SEC16A: variants seen among roughly 807,000 people sequenced by gnomAD.
SEC16A encodes the protein protein transport protein Sec16A.
SEC16A carries 110 observed loss-of-function variants against 221.9 expected under a neutral mutation model. The observed-to-expected ratio is 0.50, with a 90% CI of 0.42 to 0.58. The LOEUF (loss-of-function observed/expected upper bound fraction) is 0.58. Ranked by LOEUF, SEC16A falls within the 20% of genes least tolerant of loss-of-function variation. The probability of loss-of-function intolerance (pLI) is 0.00; values close to 1 mark genes in which losing one functional copy is unlikely to be tolerated. For missense variants in SEC16A, 3,165 were observed against 3,097.8 expected (o/e 1.02, Z -0.52); for synonymous variants, 1,393 against 1,257.7 (o/e 1.11, Z -2.28).
intron 8 of SEC16A, among the ~76,000 whole-genome samples, chr9:136,465,471 A>C (rs1337562014): frequency 6.6e-6 from 1 of 152,186 alleles, no homozygotes; most frequent in Non-Finnish European, 1.5e-5. Flanking sequence ...AAAAACAAAC[A>C]AACAAAAAAA....
chr9:136,455,573 A>G (rs1271037318), intron 20 of SEC16A, 28 bp downstream of exon 20: 5 of 1,522,114 alleles, frequency 3.3e-6, no homozygotes, highest in Non-Finnish European at 4.4e-6. Flanking sequence ...GGCTTGTCTG[A>G]GGGCAGCAGC....
chr9:136,460,234 G>T, intron 13 of SEC16A, 111 bp from the exon 14 acceptor site: 1 of 775,724 alleles, frequency 1.3e-6, no homozygotes. Flanking sequence ...AGGCCAAAGT[G>T]GGCGGATCAC....
At chr9:136,483,524 C>T (rs1431896001), upstream of SEC16A, 1 of 985,216 alleles carries the variant, frequency 1.0e-6, no homozygotes, top group Non-Finnish European at 1.2e-6. Flanking sequence ...TGGCCCCGCC[C>T]CTCGCCACCT....
chr9:136,446,758 T>C (rs1837049251), intron 28 of SEC16A, 97 bp downstream of exon 28: 6 of 1,249,652 alleles, frequency 4.8e-6, no homozygotes, highest in South Asian at 1.4e-5. Context: ...TACGTACACA[T>C]TGGATACTGA....
At position 136,476,406 on chromosome 9, in the gene SEC16A, A is replaced by C; in HGVS notation, c.1210T>G (p.Cys404Gly). The change falls in exon 3 of 32, where the codon TGC becomes GGC. Residue 404 changes from cysteine to glycine, a missense_variant. Physicochemically the swap from Cys to Gly is radical, Grantham distance 159. Around this residue, in one of 3 missense-constraint regions of SEC16A, gnomAD observed 2,030 missense variants for 1,923.1 expected, o/e 1.06. Coordinates refer to ENST00000684901, the MANE Select transcript of SEC16A (RefSeq NM_014866.2). ...GGACGGCCTAGCCCAGGGCTGGAGCAGAAATCGTCAAAGTCCGCTTGACCA... is the reference window on the plus strand; with the variant it reads ...GGACGGCCTAGCCCAGGGCTGGAGCCGAAATCGTCAAAGTCCGCTTGACCA... ...LSGQADFDDF[C>G]SSPGLGRPPA... 6.2e-7 allele frequency: 1 copy of C among 1,612,964 alleles called. No homozygotes were observed. Among genetic ancestry groups the C allele is most frequent in the Non-Finnish European group, 8.5e-7 (1 of 1,179,872 alleles).
intron 22 of SEC16A, among the ~76,000 whole-genome samples, chr9:136,451,757 A>C (rs895904180): frequency 6.6e-6 from 1 of 152,210 alleles, no homozygotes; most frequent in Non-Finnish European, 1.5e-5. Flanking sequence ...GAGGGGGGCG[A>C]TGGGTGTTCT....
Position 136,460,255 on chromosome 9 carries a change from A to G in SEC16A, c.4992-132T>C, listed in dbSNP as rs1038222622. On this transcript the variant is annotated intron_variant, in intron 13 of 31. Transcript: ENST00000684901. Reference sequence around the variant, plus strand: ...AAGTGGGCGGATCACCTGAGGTCAGAAGTTAAGAGACTAACATGGAGAAAC... The same window carrying G: ...AAGTGGGCGGATCACCTGAGGTCAGGAGTTAAGAGACTAACATGGAGAAAC... 26 of 642,062 alleles carry G rather than the reference A, an allele frequency of 4.0e-5. No homozygotes were observed. In the East Asian group the frequency reaches 7.4e-4, roughly 18 times the overall value. 39.8% of individuals were successfully genotyped at this position (642,062 alleles called of 1,614,324 possible).
Position 136,447,222 on chromosome 9 carries a change from C to T in SEC16A, c.6697+5G>A. Reference sequence around the variant, plus strand: ...CCTGGAGGGGCTGGTGCTCGTGCTACCTACCTGGGGTTGGCACGAACAAGT... The same window carrying T: ...CCTGGAGGGGCTGGTGCTCGTGCTATCTACCTGGGGTTGGCACGAACAAGT... On this transcript the variant is annotated splice_donor_5th_base_variant and intron_variant, in intron 27 of 31. Coordinates refer to ENST00000684901, the MANE Select transcript of SEC16A (RefSeq NM_014866.2). This position sits in a 1 kb window ranked among gnomAD's most constrained non-coding sequence, Gnocchi z 5.5. 1 of 1,590,558 alleles carries T rather than the reference C, an allele frequency of 6.3e-7. No individual in the cohort carries two copies. The highest frequency in any genetic ancestry group is 8.5e-7 in the Non-Finnish European group (1 of 1,169,712).
At chr9:136,481,448 T>C (rs1278498937) in intron 1 of SEC16A, among the ~76,000 whole-genome samples, 1 of 152,214 alleles carries the variant, frequency 6.6e-6, no homozygotes, top group Non-Finnish European at 1.5e-5. Flanking sequence ...CAGGGAATTT[T>C]ATTCTGTAAC....
Position 136,441,847 on chromosome 9 carries a change from C to A in SEC16A, c.7006-24G>T, listed in dbSNP as rs1043506828. ...GCCTGGAATGAAATCAACAGCATGA[C>A]CTCTGCATGCCTGCCCCCAGGGTGA... On this transcript the variant is annotated intron_variant, in intron 31 of 31. Coordinates refer to ENST00000684901, the MANE Select transcript of SEC16A (RefSeq NM_014866.2). The A allele has an allele frequency of 2.5e-6, 4 of 1,601,604 alleles. No homozygotes were observed. The African/African-American group carries it at 5.3e-5, about 21-fold the overall frequency.
intron 23 of SEC16A, among the ~76,000 whole-genome samples, chr9:136,450,631 T>C (rs1226634809): frequency 6.6e-6 from 1 of 152,028 alleles, no homozygotes; most frequent in Non-Finnish European, 1.5e-5. Flanking sequence ...CCCAGCACAA[T>C]GGCTAAGTTA....
chr9:136,453,146 T>A (rs1838111824), intron 22 of SEC16A, among the ~76,000 whole-genome samples: 1 of 151,198 alleles, frequency 6.6e-6, no homozygotes, highest in African/African-American at 2.4e-5. Flanking sequence ...AGAATTAAAA[T>A]TAATAAGGGG....
intron 23 of SEC16A, among the ~76,000 whole-genome samples, chr9:136,449,249 T>C (rs1262493313): frequency 6.6e-6 from 1 of 151,940 alleles, no homozygotes; most frequent in Non-Finnish European, 1.5e-5. Flanking sequence ...ATGCACTTCA[T>C]TTTGGTTTGT....
In SEC16A at chr9:136,475,365, C is replaced by T. The variant is rs768456918; in HGVS notation, c.2251G>A (p.Ala751Thr). 1.9e-6 allele frequency: 3 copies of T among 1,609,450 alleles called. No homozygotes were observed. In the South Asian group the frequency reaches 3.3e-5, roughly 18 times the overall value. ...APAAPALYVCAKPQPPVVQPP... is the reference protein window; with the variant it reads ...APAAPALYVCTKPQPPVVQPP... ...TGAACAACAGGTGGCTGAGGTTTTG[C>T]ACACACATAAAGCGCCGGGGCTGCA... Residue 751 changes from alanine to threonine, a missense_variant, in exon 3 of 32, where the codon GCA (alanine) becomes ACA (threonine). Coordinates refer to ENST00000684901, the MANE Select transcript of SEC16A (RefSeq NM_014866.2). The surrounding 1 kb of genome is among the most constrained non-coding windows in gnomAD (Gnocchi z 5.0).
upstream of SEC16A, chr9:136,483,449 C>A: frequency 1.4e-6 from 1 of 711,028 alleles, no homozygotes; most frequent in Non-Finnish European, 1.7e-6. Context: ...TGGCCCCGCC[C>A]CTCGGCCGTC....
intron 4 of SEC16A, among the ~76,000 whole-genome samples, chr9:136,469,473 G>A (rs928899522): frequency 2.0e-5 from 3 of 152,152 alleles, no homozygotes; most frequent in Admixed American, 2.0e-4. Context: ...GGCCAGCCTG[G>A]TAAACACAGT....
chr9:136,441,983 C>T (rs1836252916), intron 31 of SEC16A, among the ~76,000 whole-genome samples, 160 bp from the exon 32 acceptor site: 1 of 152,202 alleles, frequency 6.6e-6, no homozygotes, highest in African/African-American at 2.4e-5. Flanking sequence ...CTCTGGAAAC[C>T]GACAAGTCAG....
rs778173554 is a variant in SEC16A, at chr9:136,456,067, C to T, written c.5650G>A (p.Glu1884Lys). The T allele has an allele frequency of 1.2e-5, 19 of 1,612,050 alleles. No homozygotes were observed. The South Asian group carries it at 2.1e-4, about 18-fold the overall frequency. Residue 1884 changes from glutamate (E) to lysine (K), a missense_variant, in exon 19 of 32, where the codon GAG (glutamate) becomes AAG (lysine). This residue lies in a region of SEC16A where 1,088 missense variants were observed against 1,089.6 expected (regional missense o/e 1.00). Transcript: ENST00000684901. ...PTWLVHLQQV[E>K]RQIKEGAGVW... ...CAAGGCTGTACCTTAATCTGCCGCT[C>T]CACCTGCTGCAGGTGAACCAGCCAC...
At chr9:136,477,777 C>T (rs976572440) in intron 2 of SEC16A, 93 bp from the exon 3 acceptor site, 13 of 1,248,390 alleles carry the variant, frequency 1.0e-5, no homozygotes, top group African/African-American at 7.5e-5. Context: ...AAACATTGAA[C>T]ATGATTTTAT....
Sources: gnomAD v4.1 joint callset for allele counts (sites outside exome capture counted in the v4.1 genomes callset) on GRCh38, gnomAD v4.1.1 for gene constraint, gnomAD v4.1.1 regional missense constraint, Gnocchi (gnomAD v3.1) non-coding constraint, MANE v1.5 for transcripts, NCBI Gene and HGNC (gene_info 2026-07-23, HGNC 2026-07-21) for gene names.